The following ANKRD30BL variants were observed in gnomAD, a reference collection of about 807,000 sequenced individuals.
ANKRD30BL encodes ankyrin repeat domain 30B like.
In ANKRD30BL, 20 loss-of-function variants were observed where a neutral mutation model predicts 18.4. The observed-to-expected ratio is 1.09, with a 90% CI of 0.77 to 1.58. ANKRD30BL has a LOEUF of 1.58. ANKRD30BL is among the 40% of genes most tolerant of loss of function. The pLI is 0.00. For synonymous variants in ANKRD30BL, 72 were observed against 100.9 expected (o/e 0.71, Z 1.72); for missense variants, 224 against 268.6 (o/e 0.83, Z 1.16).
intron 1 of ANKRD30BL, among the ~76,000 whole-genome samples, chr2:132,254,927 G>A (rs1240394279): frequency 2.6e-5 from 4 of 152,198 alleles, no homozygotes; most frequent in Non-Finnish European, 5.9e-5. Context: ...TCCTGTCCGT[G>A]TCCAGGCTGG....
chr2:132,176,300 C>T (rs560519756), intron 1 of ANKRD30BL, among the ~76,000 whole-genome samples: 22 of 151,446 alleles, frequency 1.5e-4, no homozygotes, highest in Admixed American at 1.1e-3. Context: ...GAGGCTGAGG[C>T]GAGTAGATCA....
intron 4 of ANKRD30BL, chr2:132,152,619 C>T (rs114100295): frequency 5.9e-5 from 9 of 152,232 alleles, no homozygotes; most frequent in African/African-American, 1.4e-4. Context: ...AGAATGAGAC[C>T]GTCCACTGCC....
At chr2:132,211,755 A>C (rs1418975184) in intron 1 of ANKRD30BL, among the ~76,000 whole-genome samples, 1 of 151,924 alleles carries the variant, frequency 6.6e-6, no homozygotes. Flanking sequence ...AAAACTACAC[A>C]GAAGCATTCT....
intron 1 of ANKRD30BL, among the ~76,000 whole-genome samples, chr2:132,236,320 A>G (rs553560370): frequency 1.3e-5 from 2 of 152,312 alleles, no homozygotes; most frequent in South Asian, 2.1e-4. Flanking sequence ...AATGGCAACA[A>G]AAGACAAAAT....
At chr2:132,243,953 T>A (rs543145313) in intron 1 of ANKRD30BL, among the ~76,000 whole-genome samples, 130 of 152,204 alleles carry the variant, frequency 8.5e-4, no homozygotes, top group African/African-American at 3.0e-3. Context: ...CTTTGTGATG[T>A]GCATACTCAA....
intron 1 of ANKRD30BL, among the ~76,000 whole-genome samples, chr2:132,248,328 CA>C (rs1162600263): frequency 1.3e-5 from 2 of 151,924 alleles, no homozygotes; most frequent in African/African-American, 4.8e-5. Context: ...GCAGATTCTA[CA>C]AAAAGAGAGT....
At chr2:132,180,218 C>T (rs1241088022) in intron 1 of ANKRD30BL, among the ~76,000 whole-genome samples, 1 of 103,418 alleles carries the variant, frequency 9.7e-6, no homozygotes. Context: ...TACAAGTGTA[C>T]CCTTTTTTTT....
At chr2:132,212,455 G>A (rs1378084968) in intron 1 of ANKRD30BL, among the ~76,000 whole-genome samples, 1 of 151,782 alleles carries the variant, frequency 6.6e-6, no homozygotes, top group African/African-American at 2.4e-5. Context: ...GGACTATGGT[G>A]GAAATGGAAA....
chr2:132,202,741 T>G (rs1679133041), intron 1 of ANKRD30BL, among the ~76,000 whole-genome samples: 1 of 151,936 alleles, frequency 6.6e-6, no homozygotes, highest in Non-Finnish European at 1.5e-5. Context: ...ACACACACCA[T>G]ATATATACCT....
chr2:132,157,435 A>G lies in ANKRD30BL; in HGVS notation c.219-12T>C. 1.6e-6 allele frequency: 1 copy of G among 638,882 alleles called. No homozygotes were observed. Among genetic ancestry groups the G allele is most frequent in the Non-Finnish European group, 2.9e-6 (1 of 344,716 alleles). 39.6% of individuals were successfully genotyped at this position (638,882 alleles called of 1,614,324 possible). On this transcript the variant is annotated splice_polypyrimidine_tract_variant and intron_variant, in intron 1 of 5. Coordinates refer to ENST00000409867, the MANE Select transcript of ANKRD30BL (RefSeq NM_001358416.1). ...AGTATAGAGCAGTCCTACAAGAATGAGAGGCCTTTTAAGGAAAGTTTAGTC... is the reference window on the plus strand; with the variant it reads ...AGTATAGAGCAGTCCTACAAGAATGGGAGGCCTTTTAAGGAAAGTTTAGTC...
At chr2:132,236,413 C>G (rs1490228445) in intron 1 of ANKRD30BL, among the ~76,000 whole-genome samples, 4 of 151,880 alleles carry the variant, frequency 2.6e-5, no homozygotes, top group South Asian at 2.1e-4. Context: ...ACAATGAACT[C>G]AAACAAATTT....
Position 132,148,135 on chromosome 2 carries a change from T to C in ANKRD30BL, c.773A>G (p.Glu258Gly). The change falls in exon 6 of 6, where the codon GAA (glutamate) becomes GGA (glycine). Residue 258 changes from glutamate (E) to glycine (G), a missense_variant. Physicochemically the swap from Glu to Gly is moderately conservative, Grantham distance 98. Coordinates refer to ENST00000409867, the MANE Select transcript of ANKRD30BL (RefSeq NM_001358416.1). ...TGAAGAGGAATTCACTGTATCCTAT[T>C]CATCAGGTGTTCTTTCCACCAAGCT... ...AESLVERTPD[E>G] 4 of 1,585,354 alleles carry C rather than the reference T, an allele frequency of 2.5e-6. No homozygotes were observed. The highest frequency in any genetic ancestry group is 3.4e-6 in the Non-Finnish European group (4 of 1,162,846).
chr2:132,229,966 A>G (rs944167997), intron 1 of ANKRD30BL, among the ~76,000 whole-genome samples: 1 of 151,962 alleles, frequency 6.6e-6, no homozygotes, highest in Non-Finnish European at 1.5e-5. Flanking sequence ...GAATATCTTC[A>G]CATAAAAACT....
intron 1 of ANKRD30BL, among the ~76,000 whole-genome samples, chr2:132,184,703 C>T (rs1688533529): frequency 2.0e-5 from 3 of 148,174 alleles, no homozygotes; most frequent in Admixed American, 6.8e-5. Flanking sequence ...TATATCTTTC[C>T]TTTTTTTTTT....
chr2:132,162,713 G>C (rs369155868), upstream of ANKRD30BL, among the ~76,000 whole-genome samples: 63 of 150,974 alleles, frequency 4.2e-4, no homozygotes, highest in African/African-American at 5.4e-4. Context: ...ACGGCCTGAG[G>C]GTAGCCGTGT....
chr2:132,182,875 C>T (rs1009647104), intron 1 of ANKRD30BL, among the ~76,000 whole-genome samples: 1 of 151,932 alleles, frequency 6.6e-6, no homozygotes, highest in African/African-American at 2.4e-5. Flanking sequence ...TGACATAGAA[C>T]CCCGACAGAT....
chr2:132,228,023 G>T (rs4063207), intron 1 of ANKRD30BL, among the ~76,000 whole-genome samples: 1 of 152,070 alleles, frequency 6.6e-6, no homozygotes, highest in African/African-American at 2.4e-5. Flanking sequence ...TTTTGAAACT[G>T]TCTTTTTGTT....
chr2:132,250,703 C>A (rs1441680060), intron 1 of ANKRD30BL, among the ~76,000 whole-genome samples: 1 of 152,192 alleles, frequency 6.6e-6, no homozygotes, highest in Non-Finnish European at 1.5e-5. Context: ...AATCTCTGTT[C>A]TTTTGCTCCT....
At chr2:132,216,676 T>C (rs1447001213) in intron 1 of ANKRD30BL, among the ~76,000 whole-genome samples, 2 of 152,088 alleles carry the variant, frequency 1.3e-5, no homozygotes, top group Non-Finnish European at 2.9e-5. Flanking sequence ...CCTTGAGGCC[T>C]GTGGTAGAAA....
Sources: gnomAD v4.1 joint callset for allele counts (sites outside exome capture counted in the v4.1 genomes callset) on GRCh38, gnomAD v4.1.1 for gene constraint, MANE v1.5 for transcripts, NCBI Gene and HGNC (gene_info 2026-07-23, HGNC 2026-07-21) for gene names.